SLC68A1: variants seen among roughly 807,000 people sequenced by gnomAD.
SLC68A1 encodes solute carrier family 68 member 1, also known as major facilitator superfamily domain containing 13A.
chr10:102,469,719 G>A, the SLC68A1 span: 1 of 366,340 alleles, frequency 2.7e-6, no homozygotes, highest in Non-Finnish European at 3.8e-6. Context: ...GCTAATTTTT[G>A]TATTTTTAGT....
At chr10:102,473,041 T>C in the SLC68A1 span, 1 of 1,080,796 alleles carries the variant, frequency 9.3e-7, no homozygotes. Context: ...TTAGCCAGGA[T>C]GGTCTCCATT....
the SLC68A1 span, chr10:102,476,054 TTTTTTTTTAAGGATTTCATAG>T: frequency 3.8e-6 from 5 of 1,328,760 alleles, no homozygotes; most frequent in Non-Finnish European, 3.9e-6. Flanking sequence ...TTTTTTTGGT[TTTTTTTTTAAGGATTTCATAG>T]TTTTTTTTTT....
chr10:102,475,670 G>C, the SLC68A1 span: 1 of 1,532,308 alleles, frequency 6.5e-7, no homozygotes, highest in Non-Finnish European at 8.8e-7. Flanking sequence ...AGGGCACCAA[G>C]GCTTGGAGGA....
chr10:102,475,938 G>A, the SLC68A1 span: 12 of 1,613,142 alleles, frequency 7.4e-6, no homozygotes, highest in South Asian at 3.3e-5. Context: ...AAGGCCCAGC[G>A]CCAGAACCTG....
the SLC68A1 span, chr10:102,470,545 C>T: frequency 3.4e-6 from 5 of 1,477,610 alleles, no homozygotes; most frequent in Non-Finnish European, 4.5e-6. Context: ...GACAGTGGCA[C>T]CACCCTGTTG....
At chr10:102,471,058 G>A in the SLC68A1 span, 8 of 1,613,878 alleles carry the variant, frequency 5.0e-6, no homozygotes, top group East Asian at 2.2e-5. Flanking sequence ...AGCTGCTGAG[G>A]CGGCGGGTTG....
At chr10:102,463,948 G>A in the SLC68A1 span, among the ~76,000 whole-genome samples, 1 of 152,164 alleles carries the variant, frequency 6.6e-6, no homozygotes, top group African/African-American at 2.4e-5. Flanking sequence ...AGAGGGGCTA[G>A]GATATTCCAG....
At chr10:102,471,739 A>G in the SLC68A1 span, among the ~76,000 whole-genome samples, 3 of 150,256 alleles carry the variant, frequency 2.0e-5, no homozygotes, top group Non-Finnish European at 4.4e-5. Flanking sequence ...AGTCTGGGCA[A>G]CAGAGTGAGA....
At chr10:102,471,162 CT>C in the SLC68A1 span, 87 of 1,597,792 alleles carry the variant, frequency 5.4e-5, no homozygotes, top group African/African-American at 9.8e-4. Flanking sequence ...CAGCAACCTT[CT>C]AAGTCTGATT....
At chr10:102,470,705 CG>C in the SLC68A1 span, 1 of 1,612,644 alleles carries the variant, frequency 6.2e-7, no homozygotes, top group Non-Finnish European at 8.5e-7. Flanking sequence ...GGTGCTGGCC[CG>C]GGTGCAGGCC....
At chr10:102,472,032 T>G in the SLC68A1 span, 1 of 455,908 alleles carries the variant, frequency 2.2e-6, no homozygotes, top group African/African-American at 2.0e-5. Context: ...GTGCAGTGGC[T>G]CACGCCTGTA....
At chr10:102,475,829 T>C in the SLC68A1 span, 1 of 1,614,078 alleles carries the variant, frequency 6.2e-7, no homozygotes, top group Non-Finnish European at 8.5e-7. Flanking sequence ...CCGCCAGGGC[T>C]GCTTCTACCT....
chr10:102,476,162 G>C, the SLC68A1 span: 2 of 1,150,680 alleles, frequency 1.7e-6, no homozygotes, highest in Non-Finnish European at 2.3e-6. Context: ...CCACCACCCA[G>C]GTTCAAGCAA....
chr10:102,469,996 G>T, the SLC68A1 span: 1 of 1,613,944 alleles, frequency 6.2e-7, no homozygotes, highest in Non-Finnish European at 8.5e-7. Flanking sequence ...CCTGCAGACA[G>T]TGTTTCTCCT....
At chr10:102,473,622 C>A in the SLC68A1 span, 2 of 1,613,958 alleles carry the variant, frequency 1.2e-6, no homozygotes, top group Non-Finnish European at 1.7e-6. Context: ...TGTCCCTGTG[C>A]CGGCGCTGGG....
the SLC68A1 span, chr10:102,476,597 A>T: frequency 1.0e-6 from 1 of 985,970 alleles, no homozygotes; most frequent in Non-Finnish European, 1.2e-6. Context: ...CTGAGCCAGA[A>T]GCATCACTGC....
chr10:102,476,501 G>C, the SLC68A1 span: 57 of 985,684 alleles, frequency 5.8e-5, no homozygotes, highest in Non-Finnish European at 6.3e-5. Context: ...CACCGCACTC[G>C]GCCAGGAGCT....
At chr10:102,475,903 G>A in the SLC68A1 span, 2 of 1,613,814 alleles carry the variant, frequency 1.2e-6, no homozygotes, top group Non-Finnish European at 1.7e-6. Flanking sequence ...AGTTCACGCT[G>A]CATGGGAGAC....
chr10:102,472,370 C>T, the SLC68A1 span: 1 of 260,908 alleles, frequency 3.8e-6, no homozygotes, highest in Non-Finnish European at 7.5e-6. Flanking sequence ...TCAAATGATT[C>T]TCCCACCTCA....
Sources: allele counts gnomAD v4.1 joint callset (sites outside exome capture counted in the v4.1 genomes callset), GRCh38; gene constraint gnomAD v4.1.1; transcripts MANE v1.5; gene names NCBI Gene and HGNC (gene_info 2026-07-23, HGNC 2026-07-21).